CDH18: variants seen among roughly 807,000 people sequenced by gnomAD.
CDH18 encodes cadherin-18.
CDH18 carries 31 observed loss-of-function variants against 67.9 expected under a neutral mutation model. That is an observed-to-expected ratio of 0.46 (90% CI 0.34 to 0.62). The LOEUF is 0.62. CDH18 is among the 20% of genes least tolerant of loss of function. The pLI is 0.01. For synonymous variants in CDH18, 362 were observed against 347.2 expected (o/e 1.04, Z -0.48); for missense variants, 890 against 975.5 (o/e 0.91, Z 1.17).
chr5:19,521,189 T>A (rs747786632), intron 9 of CDH18, among the ~76,000 whole-genome samples: 9 of 152,128 alleles, frequency 5.9e-5, no homozygotes, highest in Non-Finnish European at 1.2e-4. Context: ...CTAACTAAAC[T>A]CAAAGAAAAC....
chr5:20,016,619 G>A (rs1737905035), intron 2 of CDH18, among the ~76,000 whole-genome samples: 1 of 152,144 alleles, frequency 6.6e-6, no homozygotes, highest in Non-Finnish European at 1.5e-5. Context: ...TGCAGTCAGA[G>A]TGCTGGTTGA....
At chr5:19,736,122 T>C (rs1768288018) in intron 4 of CDH18, among the ~76,000 whole-genome samples, 1 of 152,254 alleles carries the variant, frequency 6.6e-6, no homozygotes, top group Non-Finnish European at 1.5e-5. Context: ...AGAACATTTT[T>C]ATTAAGATAC....
chr5:19,942,004 CCTAGA>C (rs1033342258), intron 2 of CDH18, among the ~76,000 whole-genome samples: 20 of 152,038 alleles, frequency 1.3e-4, no homozygotes, highest in African/African-American at 4.6e-4. Flanking sequence ...ATTATATGAG[CCTAGA>C]CATGGCAGAT....
chr5:20,149,646 G>A (rs150127266), intron 2 of CDH18, among the ~76,000 whole-genome samples: 39 of 152,194 alleles, frequency 2.6e-4, no homozygotes, highest in Non-Finnish European at 4.9e-4. Context: ...CTTCATTTTT[G>A]CAGTACTTGG....
chr5:20,237,270 G>A (rs996483124), intron 2 of CDH18, among the ~76,000 whole-genome samples: 1 of 151,870 alleles, frequency 6.6e-6, no homozygotes, highest in African/African-American at 2.4e-5. Flanking sequence ...AGAGGAAAAA[G>A]CGGGGTATAT....
At chr5:20,502,056 G>A (rs538207389) in intron 1 of CDH18, among the ~76,000 whole-genome samples, 1 of 152,124 alleles carries the variant, frequency 6.6e-6, no homozygotes, top group South Asian at 2.1e-4. Context: ...AGGACGAGCT[G>A]CTCTGACACC....
chr5:20,054,019 G>T (rs1435241515), intron 2 of CDH18, among the ~76,000 whole-genome samples: 1 of 152,080 alleles, frequency 6.6e-6, no homozygotes, highest in Non-Finnish European at 1.5e-5. Flanking sequence ...CCCCAAGGAA[G>T]TGATCCCAAT....
At chr5:19,473,793 C>T in intron 12 of CDH18, 77 bp from the exon 13 acceptor site, 2 of 1,207,230 alleles carry the variant, frequency 1.7e-6, no homozygotes, top group Non-Finnish European at 2.3e-6. Flanking sequence ...ACAGCAATTT[C>T]CCATTTTCCC....
intron 1 of CDH18, among the ~76,000 whole-genome samples, chr5:20,433,056 C>G (rs1307136769): frequency 6.7e-6 from 1 of 149,266 alleles, no homozygotes; most frequent in African/African-American, 2.5e-5. Flanking sequence ...TGTATAATGC[C>G]TAAAACACTA....
intron 1 of CDH18, among the ~76,000 whole-genome samples, chr5:20,289,790 C>G (rs1746969742): frequency 6.6e-6 from 1 of 151,876 alleles, no homozygotes. Context: ...ACACATTAAA[C>G]TACAGATTTA....
chr5:19,703,129 G>A (rs1307264453), intron 5 of CDH18, among the ~76,000 whole-genome samples: 1 of 152,162 alleles, frequency 6.6e-6, no homozygotes, highest in Non-Finnish European at 1.5e-5. Context: ...TTCTCTGTGT[G>A]TGTGTGTCTT....
At chr5:20,223,868 G>A (rs892592845) in intron 2 of CDH18, among the ~76,000 whole-genome samples, 39 of 151,916 alleles carry the variant, frequency 2.6e-4, no homozygotes, top group Non-Finnish European at 4.7e-4. Flanking sequence ...GTGAAGCCTC[G>A]CAAGCCATAT....
chr5:19,761,356 C>G (rs187329866), intron 3 of CDH18, among the ~76,000 whole-genome samples: 3 of 152,264 alleles, frequency 2.0e-5, no homozygotes, highest in Non-Finnish European at 4.4e-5. Context: ...TTCCTTGGAT[C>G]TCCACATATA....
intron 5 of CDH18, among the ~76,000 whole-genome samples, chr5:19,642,282 C>G (rs1289773086): frequency 2.6e-5 from 4 of 151,724 alleles, no homozygotes; most frequent in Admixed American, 2.6e-4. Context: ...CAATGTAATC[C>G]CCATCAAAAT....
At chr5:20,162,507 T>TAC (rs1032941506) in intron 2 of CDH18, among the ~76,000 whole-genome samples, 1 of 146,842 alleles carries the variant, frequency 6.8e-6, no homozygotes, top group African/African-American at 2.5e-5. Flanking sequence ...TAGACATATA[T>TAC]ATATATATAT....
chr5:20,241,403 G>T (rs1256208451), intron 2 of CDH18, among the ~76,000 whole-genome samples: 1 of 152,146 alleles, frequency 6.6e-6, no homozygotes, highest in Non-Finnish European at 1.5e-5. Flanking sequence ...ACCATGGTGT[G>T]AGTGTGTATG....
chr5:20,075,909 T>G (rs1008617315), intron 2 of CDH18, among the ~76,000 whole-genome samples: 2 of 152,198 alleles, frequency 1.3e-5, no homozygotes, highest in African/African-American at 4.8e-5. Context: ...ACTTCTTTCT[T>G]CTTCTATTCT....
intron 2 of CDH18, among the ~76,000 whole-genome samples, chr5:20,230,017 C>A (rs1741938700): frequency 6.6e-6 from 1 of 152,102 alleles, no homozygotes; most frequent in Non-Finnish European, 1.5e-5. Flanking sequence ...CTATTTTTTT[C>A]TCCTTAGACA....
At chr5:20,442,862 G>T (rs549911097) in intron 1 of CDH18, among the ~76,000 whole-genome samples, 1 of 151,824 alleles carries the variant, frequency 6.6e-6, no homozygotes, top group Non-Finnish European at 1.5e-5. Context: ...CAATGGATCA[G>T]ATATGTAGAC....
Sources: allele counts gnomAD v4.1 joint callset (sites outside exome capture counted in the v4.1 genomes callset), GRCh38; gene constraint gnomAD v4.1.1; transcripts MANE v1.5; gene names NCBI Gene and HGNC (gene_info 2026-07-23, HGNC 2026-07-21).